LYRM7: variants seen among roughly 807,000 people sequenced by gnomAD.
The protein encoded by LYRM7 is complex III assembly factor LYRM7.
In LYRM7, 9 loss-of-function variants were observed where a neutral mutation model predicts 15.8. The ratio of observed to expected loss-of-function variants is 0.57; its 90% CI spans 0.34 to 0.99. The LOEUF (loss-of-function observed/expected upper bound fraction) is 0.99. Ranked by LOEUF, LYRM7 falls within the 50% of genes least tolerant of loss-of-function variation. The probability of loss-of-function intolerance (pLI) is 0.02; values close to 1 mark genes in which losing one functional copy is unlikely to be tolerated. For missense variants in LYRM7, 115 were observed against 119.1 expected, an observed-to-expected ratio of 0.97 and a Z score of 0.16; for synonymous variants, 39 against 39.4, an observed-to-expected ratio of 0.99 and a Z score of 0.04.
rs1208669077 is a variant in LYRM7, at chr5:131,181,316, T to TATATATATATATATACAC, written c.92-912_92-911insTATATATATATATACACA. Among the ~76,000 whole-genome samples, 213 of 27,552 alleles carry TATATATATATATATACAC rather than the reference T, an allele frequency of 7.7e-3. 8 individuals carry two copies. The highest frequency in any genetic ancestry group is 0.013 in the Non-Finnish European group (163 of 13,016). The allele number at this position is 27,552 out of a possible 152,430, so 18.1% of individuals were successfully genotyped here. On this transcript the variant is annotated intron_variant, in intron 2 of 4. Transcript: ENST00000379380. Reference sequence around the variant, plus strand: ...AAAAAAAAAAAAATATATATATATATACACACACACACACATATATATAAC... The same window carrying TATATATATATATATACAC: ...AAAAAAAAAAAAATATATATATATATATATATATATATATACACACACACACACACACATATATATAAC...
At chr5:131,188,012 T>G (rs1755824454) in intron 4 of LYRM7, among the ~76,000 whole-genome samples, 1 of 152,008 alleles carries the variant, frequency 6.6e-6, no homozygotes, top group South Asian at 2.1e-4. Context: ...ATCCCAGCAC[T>G]TTGGGAGGCC....
intron 1 of LYRM7, among the ~76,000 whole-genome samples, chr5:131,176,159 T>C (rs930921871): frequency 6.6e-6 from 1 of 152,244 alleles, no homozygotes; most frequent in Non-Finnish European, 1.5e-5. Context: ...TTATTTCTAC[T>C]TTTTCACTAT....
chr5:131,190,289 G>A (rs1210682883), intron 4 of LYRM7, among the ~76,000 whole-genome samples: 4 of 151,694 alleles, frequency 2.6e-5, no homozygotes, highest in Middle Eastern at 3.4e-3. Context: ...TCTGCCTCCC[G>A]GGTTCAAGCA....
At chr5:131,178,384 A>G (rs1239717212) in intron 1 of LYRM7, among the ~76,000 whole-genome samples, 2 of 152,194 alleles carry the variant, frequency 1.3e-5, no homozygotes, top group African/African-American at 2.4e-5. Context: ...TTTCCACGAC[A>G]AGAGTAAGGT....
chr5:131,183,722 A>G (rs552117744), intron 3 of LYRM7, among the ~76,000 whole-genome samples: 53 of 152,308 alleles, frequency 3.5e-4, no homozygotes, highest in Admixed American at 4.6e-4. Flanking sequence ...CTAGACCAGC[A>G]GTTCTCAAAC....
chr5:131,175,031 C>CAG (rs896063387), intron 1 of LYRM7, among the ~76,000 whole-genome samples: 2 of 151,872 alleles, frequency 1.3e-5, no homozygotes, highest in Non-Finnish European at 2.9e-5. Flanking sequence ...TTTTTCTGAG[C>CAG]AGATCTCAAC....
rs186923898 is a variant in LYRM7, at chr5:131,189,843, A to G, written c.244+2734A>G. 9.5e-4 allele frequency among the ~76,000 whole-genome samples: 145 copies of G among 152,258 alleles called. 2 individuals carry two copies. The highest frequency in any genetic ancestry group is 3.3e-3 in the African/African-American group (138 of 41,562). On this transcript the variant is annotated intron_variant, in intron 4 of 4. Transcript: ENST00000379380. The stretch of plus-strand genomic sequence containing the variant: ...TAATGGGGACTTATCAGAAATTATT[A>G]GATCTTGGGCTGGGCACTGTGGTTC...
chr5:131,191,222 G>C (rs1755882183), intron 4 of LYRM7, among the ~76,000 whole-genome samples: 1 of 151,454 alleles, frequency 6.6e-6, no homozygotes, highest in Non-Finnish European at 1.5e-5. Context: ...CAAAATGTAA[G>C]AAATTTGATT....
intron 1 of LYRM7, among the ~76,000 whole-genome samples, chr5:131,175,611 C>T (rs143465519): frequency 4.0e-5 from 6 of 151,890 alleles, no homozygotes; most frequent in African/African-American, 9.7e-5. Context: ...CTTGGCTCGC[C>T]GCAACCTCTG....
At chr5:131,185,806 G>GA (rs1031872451) in intron 3 of LYRM7, among the ~76,000 whole-genome samples, 21 of 152,052 alleles carry the variant, frequency 1.4e-4, no homozygotes, top group African/African-American at 5.1e-4. Context: ...AACAAAGCAA[G>GA]AAAAAAATAT....
In LYRM7 at chr5:131,199,511, C is replaced by CTT. The variant is rs532211793; in HGVS notation, c.245-9_245-8dup. The CTT allele has an allele frequency of 9.1e-4, 1,089 of 1,199,162 alleles. No homozygotes were observed. Among genetic ancestry groups the CTT allele is most frequent in the South Asian group, 2.1e-3 (135 of 63,384 alleles). The allele number at this position is 1,199,162 out of a possible 1,614,324, so 74.3% of individuals were successfully genotyped here. ...TAATTTTAGTGATGTTAATTATTCT[C>CTT]TTTTTTTTTTTTCTTTCAGAACTGG... On this transcript the variant is annotated intron_variant, in intron 4 of 4. Coordinates refer to ENST00000379380, the MANE Select transcript of LYRM7 (RefSeq NM_181705.4).
intron 1 of LYRM7, among the ~76,000 whole-genome samples, chr5:131,172,918 G>A (rs1755545278): frequency 1.3e-5 from 2 of 152,200 alleles, no homozygotes; most frequent in Non-Finnish European, 2.9e-5. Context: ...AATACAGTCT[G>A]TGACCTGGCT....
intron 4 of LYRM7, among the ~76,000 whole-genome samples, chr5:131,188,971 AC>A (rs1297555994): frequency 1.3e-5 from 2 of 151,008 alleles, no homozygotes; most frequent in Non-Finnish European, 2.9e-5. Context: ...ACATGGTGAA[AC>A]CCCATTTTCA....
intron 1 of LYRM7, among the ~76,000 whole-genome samples, chr5:131,179,245 A>T (rs1755649145): frequency 1.3e-5 from 2 of 152,132 alleles, no homozygotes; most frequent in South Asian, 4.1e-4. Flanking sequence ...TTATTTTTGT[A>T]AATAAGGCTA....
chr5:131,183,479 G>C (rs529406356), intron 3 of LYRM7, among the ~76,000 whole-genome samples: 1 of 152,192 alleles, frequency 6.6e-6, no homozygotes, highest in East Asian at 1.9e-4. Context: ...ATTGAGGTCT[G>C]TTTATATCAA....
chr5:131,176,365 A>G (rs1311341097), intron 1 of LYRM7, among the ~76,000 whole-genome samples: 2 of 151,948 alleles, frequency 1.3e-5, no homozygotes, highest in African/African-American at 2.4e-5. Context: ...AAGAGTTCCT[A>G]TTTTTCCATG....
At position 131,181,074 on chromosome 5, in the gene LYRM7, T is replaced by C. The variant is rs146709985; in HGVS notation, c.91+907T>C. 4.5e-3 allele frequency among the ~76,000 whole-genome samples: 675 copies of C among 150,730 alleles called. 10 individuals carry two copies. The highest frequency in any genetic ancestry group is 0.016 in the African/African-American group (640 of 41,020). On this transcript the variant is annotated intron_variant, in intron 2 of 4. Transcript: ENST00000379380. ...GGGAGGCAGAGGCAGGCAAATTACTTGAGGTCAGGAGTTAGAGACCAGCCT... is the reference window on the plus strand; with the variant it reads ...GGGAGGCAGAGGCAGGCAAATTACTCGAGGTCAGGAGTTAGAGACCAGCCT...
intron 4 of LYRM7, among the ~76,000 whole-genome samples, chr5:131,193,895 G>A (rs1755923699): frequency 1.3e-5 from 2 of 152,098 alleles, no homozygotes; most frequent in South Asian, 4.1e-4. Flanking sequence ...TGTAGTCCCA[G>A]CTACTCAGGA....
intron 4 of LYRM7, among the ~76,000 whole-genome samples, chr5:131,195,161 G>A (rs1211319941): frequency 3.3e-5 from 5 of 151,948 alleles, no homozygotes; most frequent in African/African-American, 7.3e-5. Flanking sequence ...CCAGCTACTC[G>A]GGAGGCTGAG....
Sources: gnomAD v4.1 joint callset for allele counts (sites outside exome capture counted in the v4.1 genomes callset) on GRCh38, gnomAD v4.1.1 for gene constraint, MANE v1.5 for transcripts, NCBI Gene and HGNC (gene_info 2026-07-23, HGNC 2026-07-21) for gene names.